Variants in HMG20B observed in about 807,000 individuals in gnomAD.
The protein encoded by HMG20B is high mobility group 20B, also known as SWI/SNF-related matrix-associated actin-dependent regulator of chromatin subfamily E member 1-related.
A neutral mutation model predicts 41.6 loss-of-function variants in HMG20B; 24 were observed. That is an observed-to-expected ratio of 0.58 (90% CI 0.42 to 0.81). The LOEUF is 0.81. Among genes scored for constraint, HMG20B ranks in the 30% least tolerant of loss-of-function variants. The probability of loss-of-function intolerance (pLI) is 0.00; values close to 1 mark genes in which losing one functional copy is unlikely to be tolerated. For synonymous variants in HMG20B, 251 were observed against 186.6 expected, an observed-to-expected ratio of 1.34 and a Z score of -2.81; for missense variants, 461 against 444.0, an observed-to-expected ratio of 1.04 and a Z score of -0.34.
intron 7 of HMG20B, 123 bp downstream of exon 7, chr19:3,576,748 G>A (rs993614449): frequency 1.6e-6 from 2 of 1,248,556 alleles, no homozygotes; most frequent in African/African-American, 1.5e-5. Flanking sequence ...GCGTCCAGGC[G>A]CACGCTGTCG....
chr19:3,575,629 G>T lies in HMG20B; in HGVS notation c.441G>T (p.Thr147=). The change falls in exon 5 of 10, where the codon ACG becomes ACT. Residue 147 remains threonine, a synonymous_variant. Transcript: ENST00000333651. The stretch of plus-strand genomic sequence containing the variant: ...AGTCTGAAGCCTATAAGATGTGCAC[G>T]GAGAAGATCCAGGAGAAGAAGATCA... ...YQQSEAYKMC[T]EKIQEKKIKK... 6.4e-7 allele frequency: 1 copy of T among 1,551,472 alleles called. No homozygotes were observed. Among genetic ancestry groups the T allele is most frequent in the Non-Finnish European group, 8.7e-7 (1 of 1,147,082 alleles).
rs768026433 is a variant in HMG20B at position 3,578,063 on chromosome 19, G to A, written c.891G>A (p.Gln297=). 159 of 1,611,236 alleles carry A rather than the reference G, an allele frequency of 9.9e-5. No individual in the cohort carries two copies. Among genetic ancestry groups the A allele is most frequent in the Non-Finnish European group, 1.3e-4 (153 of 1,179,448 alleles). Residue 297 remains glutamine (Q), a synonymous_variant, in exon 9 of 10, where the codon CAG becomes CAA. Coordinates refer to ENST00000333651, the MANE Select transcript of HMG20B (RefSeq NM_006339.3). The part of the protein sequence containing the change: ...LHGAIERDPA[Q]HEKLIVRIKE... ...GAGCCATCGAGCGCGACCCCGCCCA[G>A]CACGAGAAGCTCATCGTCCGCATCA...
chr19:3,576,391 C>A, intron 6 of HMG20B, 84 bp downstream of exon 6: 2 of 1,459,922 alleles, frequency 1.4e-6, no homozygotes, highest in Non-Finnish European at 9.6e-7. Flanking sequence ...CAGTGCTCGC[C>A]CAGATGTGTG....
intron 7 of HMG20B, 132 bp downstream of exon 7, chr19:3,576,757 C>T: frequency 7.9e-7 from 1 of 1,258,386 alleles, no homozygotes; most frequent in Non-Finnish European, 1.1e-6. Flanking sequence ...CGCACGCTGT[C>T]GCTCCAGAGG....
In HMG20B at chr19:3,578,019, T is replaced by C; in HGVS notation, c.847T>C (p.Tyr283His). 6.2e-7 allele frequency: 1 copy of C among 1,608,436 alleles called. No individual in the cohort carries two copies. The highest frequency in any genetic ancestry group is 8.5e-7 in the Non-Finnish European group (1 of 1,178,582). The part of the protein sequence containing the change: ...ETPTLGTLDF[Y>H]MARLHGAIER... ...GCCCACGCTGGGCACTCTGGACTTC[T>C]ACATGGCCCGGCTTCACGGAGCCAT... Residue 283 changes from tyrosine (Y) to histidine (H), a missense_variant, in exon 9 of 10, where the codon TAC (tyrosine) becomes CAC (histidine). Tyr to His is a moderately conservative substitution (Grantham distance 83). Coordinates refer to ENST00000333651, the MANE Select transcript of HMG20B (RefSeq NM_006339.3).
chr19:3,576,754 T>C (rs1034379202), intron 7 of HMG20B, 129 bp downstream of exon 7: 3 of 1,259,640 alleles, frequency 2.4e-6, no homozygotes, highest in Non-Finnish European at 3.4e-6. Flanking sequence ...AGGCGCACGC[T>C]GTCGCTCCAG....
chr19:3,575,679 G>T lies in HMG20B; in HGVS notation c.472+19G>T, dbSNP rs978853034. 2.6e-6 allele frequency: 4 copies of T among 1,543,818 alleles called. No homozygotes were observed. Among genetic ancestry groups the T allele is most frequent in the Non-Finnish European group, 3.5e-6 (4 of 1,143,950 alleles). ...AAGAAAGGTGGGAGGGGTCGGGCGC[G>T]GTGGCTCACGCCTGTCATCCCAGCA... On this transcript the variant is annotated intron_variant, in intron 5 of 9. Coordinates refer to ENST00000333651, the MANE Select transcript of HMG20B (RefSeq NM_006339.3).
In HMG20B at chr19:3,573,320, G is replaced by A; in HGVS notation, c.11G>A (p.Gly4Asp). The A allele has an allele frequency of 6.5e-7, 1 of 1,532,330 alleles. No homozygotes were observed. Among genetic ancestry groups the A allele is most frequent in the Non-Finnish European group, 8.8e-7 (1 of 1,142,502 alleles). The allele number at this position is 1,532,330 out of a possible 1,614,324, so 94.9% of individuals were successfully genotyped here. The change falls in exon 2 of 10, where the codon GGC becomes GAC. Residue 4 changes from glycine (G) to aspartate (D), a missense_variant. This residue lies in a region of HMG20B where 104 missense variants were observed against 76.5 expected (regional missense o/e 1.36). Transcript: ENST00000333651. ...CGGCCCGGAGCGGCCATGTCCCACG[G>A]CCCCAAGCAGCCCGGCGCGGCCGCC... MSH[G>D]PKQPGAAAAP...
intron 5 of HMG20B, 74 bp from the exon 6 acceptor site, chr19:3,576,187 G>T (rs1047325378): frequency 5.1e-6 from 7 of 1,382,554 alleles, no homozygotes; most frequent in Middle Eastern, 3.7e-4. Flanking sequence ...CGGCTGAGCA[G>T]CGCTGACCTA....
At position 3,573,331 on chromosome 19, in the gene HMG20B, C is replaced by T; in HGVS notation, c.22C>T (p.Pro8Ser). Reference sequence around the variant, plus strand: ...GGCCATGTCCCACGGCCCCAAGCAGCCCGGCGCGGCCGCCGCGTGAGTGCA... The same window carrying T: ...GGCCATGTCCCACGGCCCCAAGCAGTCCGGCGCGGCCGCCGCGTGAGTGCA... MSHGPKQ[P>S]GAAAAPAGGK... is the part of the protein sequence containing the mutation. Residue 8 changes from proline (P) to serine (S), a missense_variant, in exon 2 of 10, where the codon CCC (proline) becomes TCC (serine). Transcript: ENST00000333651. 1.3e-6 allele frequency: 2 copies of T among 1,534,866 alleles called. No individual in the cohort carries two copies. Among genetic ancestry groups the T allele is most frequent in the Non-Finnish European group, 1.7e-6 (2 of 1,143,394 alleles).
At chr19:3,573,635 C>A in intron 2 of HMG20B, 57 bp from the exon 3 acceptor site, 1 of 1,411,776 alleles carries the variant, frequency 7.1e-7, no homozygotes, top group Non-Finnish European at 9.3e-7. Flanking sequence ...CTGGGGTGGG[C>A]TTTTGGGGGA....
intron 8 of HMG20B, 29 bp from the exon 9 acceptor site, chr19:3,577,952 C>T (rs1032075451): frequency 6.4e-7 from 1 of 1,555,642 alleles, no homozygotes; most frequent in Admixed American, 1.9e-5. Context: ...CCCCGGCACC[C>T]TCGCCTGACC....
chr19:3,573,917 G>T, intron 3 of HMG20B, 117 bp downstream of exon 3: 1 of 1,003,178 alleles, frequency 1.0e-6, no homozygotes, highest in Non-Finnish European at 1.5e-6. Context: ...TTTTCCTCTG[G>T]AAGCTGAGAC....
chr19:3,577,934 C>T, intron 8 of HMG20B, 47 bp from the exon 9 acceptor site: 3 of 1,521,060 alleles, frequency 2.0e-6, no homozygotes, highest in Non-Finnish European at 2.6e-6. Flanking sequence ...AGCCCCCGCC[C>T]CGCGACTCCC....
In HMG20B at chr19:3,573,695, G is replaced by A. The variant is rs747284317; in HGVS notation, c.42G>A (p.Pro14=). Residue 14 remains proline (P), a synonymous_variant, in exon 3 of 10, where the codon CCG becomes CCA. Transcript: ENST00000333651. ...ACCGCGGTATCCTTGGCTCCAGGCC[G>A]GCGGGCGGCAAGGCTCCGGGCCAGC... ...GPKQPGAAAA[P]AGGKAPGQHG... 6.7e-6 allele frequency: 10 copies of A among 1,500,434 alleles called. No individual in the cohort carries two copies. The highest frequency in any genetic ancestry group is 1.4e-5 in the African/African-American group (1 of 70,238). 92.9% of individuals were successfully genotyped at this position (1,500,434 alleles called of 1,614,324 possible). A position where few individuals can be genotyped will look rare whatever the true frequency, so the allele number is the denominator to read the frequency against.
intron 5 of HMG20B, chr19:3,576,032 G>A (rs1284374560): frequency 6.8e-6 from 4 of 590,488 alleles, no homozygotes; most frequent in Non-Finnish European, 1.2e-5. Context: ...TGCGACCTCA[G>A]CCCAGGCAGG....
At chr19:3,574,174 T>C in intron 3 of HMG20B, 1 of 611,356 alleles carries the variant, frequency 1.6e-6, no homozygotes, top group Non-Finnish European at 2.9e-6. Context: ...CCATAGTTCC[T>C]CAGATCCCCT....
intron 9 of HMG20B, 129 bp downstream of exon 9, chr19:3,578,242 G>T: frequency 7.4e-7 from 1 of 1,357,266 alleles, no homozygotes; most frequent in Non-Finnish European, 1.0e-6. Flanking sequence ...TCCCGGAGGG[G>T]CCTACCTGCG....
At chr19:3,573,664 G>A (rs982169868) in intron 2 of HMG20B, 28 bp from the exon 3 acceptor site, 17 of 1,475,592 alleles carry the variant, frequency 1.2e-5, no homozygotes, top group Non-Finnish European at 1.4e-5. Context: ...TCTTGGGACG[G>A]GGCTGACCGC....
Sources: allele counts gnomAD v4.1 joint callset, GRCh38; gene constraint gnomAD v4.1.1; regional missense constraint gnomAD v4.1.1; transcripts MANE v1.5; gene names NCBI Gene and HGNC (gene_info 2026-07-23, HGNC 2026-07-21).